LCA5L: variants seen among roughly 807,000 people sequenced by gnomAD.
The protein encoded by LCA5L is lebercilin LCA5 like.
A neutral mutation model predicts 45.4 loss-of-function variants in LCA5L; 35 were observed. The observed-to-expected ratio is 0.77, with a 90% CI of 0.59 to 1.02. The LOEUF is 1.02. Ranked by LOEUF, LCA5L falls within the 50% of genes least tolerant of loss-of-function variation. The probability of loss-of-function intolerance (pLI) is 0.00; values close to 1 mark genes in which losing one functional copy is unlikely to be tolerated. For synonymous variants in LCA5L, 233 were observed against 264.7 expected (o/e 0.88, Z 1.16); for missense variants, 668 against 761.6 (o/e 0.88, Z 1.45).
intron 10 of LCA5L, among the ~76,000 whole-genome samples, chr21:39,407,363 C>T (rs2147085670): frequency 6.6e-6 from 1 of 152,258 alleles, no homozygotes; most frequent in South Asian, 2.1e-4. Flanking sequence ...GTTTGGTCCC[C>T]GCTGGTGGGT....
intron 7 of LCA5L, among the ~76,000 whole-genome samples, chr21:39,418,336 C>T (rs942143377): frequency 6.6e-6 from 1 of 152,114 alleles, no homozygotes; most frequent in Non-Finnish European, 1.5e-5. Context: ...CAAGATTCTT[C>T]ATTGCTGTTT....
rs181135894 is a variant in LCA5L, at chr21:39,419,266, T to C, written c.975+1440A>G. ...CAGGCTGGGTGTGGTGGCTCACACC[T>C]GTAATCCTAACACTTTGGAAGGCCA... On this transcript the variant is annotated intron_variant, in intron 7 of 10. Transcript: ENST00000288350. Among the ~76,000 whole-genome samples, 427 of 152,266 alleles carry C rather than the reference T, an allele frequency of 2.8e-3. 4 individuals are homozygous for C. Among genetic ancestry groups the C allele is most frequent in the African/African-American group, 9.7e-3 (402 of 41,568 alleles).
rs1054889017 is a variant in LCA5L, at chr21:39,409,184, C to G, written c.1282+795G>C. On this transcript the variant is annotated intron_variant, in intron 10 of 10. Transcript: ENST00000288350. The surrounding 1 kb of genome is among the most constrained non-coding windows in gnomAD (Gnocchi z 4.2). ...TGCTCTCTCCCCGACTCTCCTCGTG[C>G]GAGCACTAAGGAAACGCCACATGAA... Among the ~76,000 whole-genome samples the G allele has an allele frequency of 6.6e-6, 1 of 152,072 alleles. No individual in the cohort carries two copies. The highest frequency in any genetic ancestry group is 1.5e-5 in the Non-Finnish European group (1 of 68,018).
rs773041334 is a variant in LCA5L at position 39,405,938 on chromosome 21, C to T, written c.1957G>A (p.Val653Ile). The T allele has an allele frequency of 6.2e-7, 1 of 1,612,634 alleles. No individual in the cohort carries two copies. The highest frequency in any genetic ancestry group is 8.5e-7 in the Non-Finnish European group (1 of 1,178,914). The change falls in exon 11 of 11, where the codon GTA becomes ATA. Residue 653 changes from valine (V) to isoleucine (I), a missense_variant. Transcript: ENST00000288350. ...HAFGDSKVTV[V>I]NSIKPSSPTE... The stretch of plus-strand genomic sequence containing the variant: ...GGTGACGATGGCTTAATAGAATTTA[C>T]CACAGTTACTTTAGAGTCTCCGAAA...
intron 5 of LCA5L, among the ~76,000 whole-genome samples, chr21:39,424,698 T>C (rs1209425970): frequency 6.6e-6 from 1 of 152,180 alleles, no homozygotes; most frequent in East Asian, 1.9e-4. Context: ...AGTCTATCTG[T>C]TTATACAGAT....
intron 1 of LCA5L, among the ~76,000 whole-genome samples, chr21:39,445,145 C>A (rs9983180): frequency 0.51 from 78,043 of 151,678 alleles, 20,492 homozygotes; most frequent in East Asian, 0.67. Context: ...AGTGTGGCAA[C>A]GAAACGTTAA....
chr21:39,412,039 C>T (rs909330029), intron 7 of LCA5L, among the ~76,000 whole-genome samples: 5 of 152,206 alleles, frequency 3.3e-5, no homozygotes, highest in Non-Finnish European at 7.3e-5. Context: ...CCTTGCAGGT[C>T]AGCTTGTCCA....
chr21:39,419,701 G>A (rs890992394), intron 7 of LCA5L, among the ~76,000 whole-genome samples: 2 of 151,878 alleles, frequency 1.3e-5, no homozygotes, highest in African/African-American at 4.8e-5. Context: ...TTGTAAAAGA[G>A]GCCTAAAGGA....
At chr21:39,422,901 G>T in intron 6 of LCA5L, 75 bp downstream of exon 6, 5 of 1,307,878 alleles carry the variant, frequency 3.8e-6, no homozygotes, top group Non-Finnish European at 5.4e-6. Context: ...CAGAGGGGGC[G>T]CATCCATGAT....
At chr21:39,432,379 T>G (rs2148056705) in intron 3 of LCA5L, among the ~76,000 whole-genome samples, 1 of 152,328 alleles carries the variant, frequency 6.6e-6, no homozygotes, top group African/African-American at 2.4e-5. Flanking sequence ...ATTTTGTACC[T>G]GATTCGCTAA....
At chr21:39,429,792 T>C (rs1254457250) in intron 3 of LCA5L, among the ~76,000 whole-genome samples, 1 of 151,934 alleles carries the variant, frequency 6.6e-6, no homozygotes, top group Non-Finnish European at 1.5e-5. Flanking sequence ...CTGAGGTGGG[T>C]GGATAGCTTG....
intron 3 of LCA5L, among the ~76,000 whole-genome samples, chr21:39,430,506 G>A (rs780277167): frequency 6.6e-6 from 1 of 152,144 alleles, no homozygotes; most frequent in Non-Finnish European, 1.5e-5. Flanking sequence ...GTTTGAACTT[G>A]GGTCTGCCTG....
At chr21:39,445,612 G>C (rs921276612) in intron 1 of LCA5L, 113 bp downstream of exon 1, 1 of 152,670 alleles carries the variant, frequency 6.6e-6, no homozygotes, top group Non-Finnish European at 1.5e-5. Flanking sequence ...CTGAGTGACC[G>C]GCGATACTGG....
At chr21:39,434,307 C>G (rs1286770976) in intron 3 of LCA5L, among the ~76,000 whole-genome samples, 1 of 152,108 alleles carries the variant, frequency 6.6e-6, no homozygotes, top group Non-Finnish European at 1.5e-5. Flanking sequence ...CTGCTAAATA[C>G]CAGTTTTCTC....
chr21:39,423,583 ACACACAC>A lies in LCA5L; in HGVS notation c.323-100_323-94del, dbSNP rs2074104534. On this transcript the variant is annotated intron_variant, in intron 5 of 10. Coordinates refer to ENST00000288350, the MANE Select transcript of LCA5L (RefSeq NM_152505.4). ...TAATCTCTCTCCCATGCCCCCATGC[ACACACAC>A]CACACACATACACACAAGCGTAAGT... 8 of 992,298 alleles carry A rather than the reference ACACACAC, an allele frequency of 8.1e-6. 1 individual carries two copies. The South Asian group carries it at 1.5e-4, about 18-fold the overall frequency. 61.5% of individuals were successfully genotyped at this position (992,298 alleles called of 1,614,324 possible).
At chr21:39,422,702 A>T in intron 6 of LCA5L, 1 of 520,324 alleles carries the variant, frequency 1.9e-6, no homozygotes, top group South Asian at 3.3e-5. Context: ...GTGCTCTCTT[A>T]GAGAATGGTC....
chr21:39,415,829 AGT>A (rs2041043114), intron 7 of LCA5L, among the ~76,000 whole-genome samples: 1 of 152,180 alleles, frequency 6.6e-6, no homozygotes, highest in Non-Finnish European at 1.5e-5. Context: ...AGTTTCCCAC[AGT>A]CTCATGCTGC....
At chr21:39,441,989 C>CA (rs2148319829) in intron 2 of LCA5L, among the ~76,000 whole-genome samples, 1 of 152,272 alleles carries the variant, frequency 6.6e-6, no homozygotes, top group Non-Finnish European at 1.5e-5. Context: ...ACACAAACAG[C>CA]AAATGTTTCT....
intron 8 of LCA5L, chr21:39,411,241 C>G (rs770325990): frequency 4.7e-6 from 1 of 211,034 alleles, no homozygotes; most frequent in Non-Finnish European, 9.6e-6. Context: ...GCAGGGGACA[C>G]GAGGAAACTT....
Sources: gnomAD v4.1 joint callset for allele counts (sites outside exome capture counted in the v4.1 genomes callset) on GRCh38, gnomAD v4.1.1 for gene constraint, Gnocchi (gnomAD v3.1) non-coding constraint, MANE v1.5 for transcripts, NCBI Gene and HGNC (gene_info 2026-07-23, HGNC 2026-07-21) for gene names.